The following MS4A3 variants were observed in gnomAD, a reference collection of about 807,000 sequenced individuals.
MS4A3 encodes the protein membrane spanning 4-domains A3, also known as membrane-spanning 4-domains subfamily A member 3.
Under a neutral mutation model 24.7 loss-of-function variants are expected in MS4A3, and 18 were observed. The ratio of observed to expected loss-of-function variants is 0.73; its 90% CI spans 0.50 to 1.08. MS4A3 has a LOEUF of 1.08. Ranked by LOEUF, MS4A3 falls within the 50% of genes least tolerant of loss-of-function variation. The pLI, the probability that MS4A3 is intolerant of heterozygous loss-of-function variation, is 0.00. For missense variants in MS4A3, 282 were observed against 251.7 expected, an observed-to-expected ratio of 1.12 and a Z score of -0.82; for synonymous variants, 84 against 95.3, an observed-to-expected ratio of 0.88 and a Z score of 0.69.
In MS4A3 at chr11:60,056,758, A is replaced by G. The variant is rs984677236; in HGVS notation, c.-16+18A>G. The G allele has an allele frequency of 8.5e-5, 13 of 152,160 alleles. No individual in the cohort carries two copies. 9.4% of individuals were successfully genotyped at this position (152,160 alleles called of 1,614,324 possible). The stretch of plus-strand genomic sequence containing the variant: ...CCTCCAAGGTATAGATTCCCTCTCC[A>G]TAGACATTCCCCTTTCTTTTATATC... On this transcript the variant is annotated intron_variant, in intron 1 of 6. Coordinates refer to ENST00000278865, the MANE Select transcript of MS4A3 (RefSeq NM_006138.5).
intron 5 of MS4A3, among the ~76,000 whole-genome samples, chr11:60,068,238 CTTTTTTT>C (rs71456407): frequency 7.7e-5 from 8 of 103,916 alleles, no homozygotes; most frequent in Admixed American, 1.2e-4. Flanking sequence ...ATAACCTTAC[CTTTTTTT>C]TTTTTTTTTT....
At chr11:60,060,005 A>G (rs1855246410) in intron 1 of MS4A3, among the ~76,000 whole-genome samples, 1 of 152,180 alleles carries the variant, frequency 6.6e-6, no homozygotes, top group Admixed American at 6.5e-5. Flanking sequence ...TTTTACAACT[A>G]TTTTGTGTAG....
chr11:60,066,858 C>A, intron 4 of MS4A3, 93 bp from the exon 5 acceptor site: 1 of 1,048,348 alleles, frequency 9.5e-7, no homozygotes, highest in Non-Finnish European at 1.3e-6. Flanking sequence ...GGTGTGTAAA[C>A]AATATTCAAT....
At chr11:60,057,321 T>C in intron 1 of MS4A3, among the ~76,000 whole-genome samples, 1 of 152,200 alleles carries the variant, frequency 6.6e-6, no homozygotes, top group South Asian at 2.1e-4. Context: ...TTAGAACAAA[T>C]GCCTGCCACA....
rs114531460 is a variant in MS4A3 at position 60,058,049 on chromosome 11, C to T, written c.-16+1309C>T. Among the ~76,000 whole-genome samples, 299 of 152,168 alleles carry T rather than the reference C, an allele frequency of 2.0e-3. 2 individuals carry two copies. Among genetic ancestry groups the T allele is most frequent in the African/African-American group, 6.1e-3 (253 of 41,516 alleles). ...TGGAGTTGCAGTGATGAGTAGACAA[C>T]GAGGTAACAGACAAGTATCCAGGCA... On this transcript the variant is annotated intron_variant, in intron 1 of 6. Transcript: ENST00000278865.
At chr11:60,058,529 AAAAAAAAAAAAAATTCAG>A (rs1250307136) in intron 1 of MS4A3, among the ~76,000 whole-genome samples, 3 of 145,702 alleles carry the variant, frequency 2.1e-5, no homozygotes, top group African/African-American at 8.0e-5. Flanking sequence ...AAAAAAAAAA[AAAAAAAAAAAAAATTCAG>A]TCTGGAAGGA....
At chr11:60,066,178 T>C (rs1355474699) in intron 4 of MS4A3, among the ~76,000 whole-genome samples, 1 of 152,192 alleles carries the variant, frequency 6.6e-6, no homozygotes, top group East Asian at 1.9e-4. Flanking sequence ...TTCAAGCTAT[T>C]ATTATATCCA....
At chr11:60,069,524 T>TA (rs767874911) in intron 5 of MS4A3, 50 bp from the exon 6 acceptor site, 12 of 1,285,342 alleles carry the variant, frequency 9.3e-6, no homozygotes, top group South Asian at 2.5e-5. Context: ...TTTTTTTTTT[T>TA]ACCTCTGGAT....
chr11:60,070,030 A>C (rs1045972016), intron 6 of MS4A3, among the ~76,000 whole-genome samples, 174 bp from the exon 7 acceptor site: 2 of 152,172 alleles, frequency 1.3e-5, no homozygotes, highest in African/African-American at 4.8e-5. Flanking sequence ...TAATATTTTC[A>C]TTCTCTTCTA....
intron 4 of MS4A3, among the ~76,000 whole-genome samples, chr11:60,066,473 C>T (rs755583904): frequency 1.8e-4 from 28 of 152,274 alleles, no homozygotes; most frequent in African/African-American, 6.0e-4. Context: ...GTATTGACTA[C>T]GTGCCTCCAA....
chr11:60,058,840 T>C (rs192528958), intron 1 of MS4A3, among the ~76,000 whole-genome samples: 11 of 152,308 alleles, frequency 7.2e-5, no homozygotes, highest in Middle Eastern at 3.4e-3. Context: ...TGGATAAATT[T>C]GAAGTCTTGG....
intron 5 of MS4A3, 57 bp downstream of exon 5, chr11:60,067,169 C>G: frequency 2.7e-6 from 3 of 1,095,432 alleles, no homozygotes; most frequent in Non-Finnish European, 3.8e-6. Flanking sequence ...CCAGGATGTA[C>G]AGAAAAATAA....
At chr11:60,063,247 CAG>C (rs1298663226) in intron 3 of MS4A3, among the ~76,000 whole-genome samples, 3 of 152,110 alleles carry the variant, frequency 2.0e-5, no homozygotes, top group South Asian at 2.1e-4. Flanking sequence ...TGTGGTACAG[CAG>C]AGAGTCCTGG....
At chr11:60,068,474 G>C (rs1394379594) in intron 5 of MS4A3, among the ~76,000 whole-genome samples, 1 of 147,204 alleles carries the variant, frequency 6.8e-6, no homozygotes, top group Non-Finnish European at 1.5e-5. Context: ...GGATGGTCTC[G>C]ATCTCCTGAC....
At chr11:60,061,773 G>C (rs1164503440) in intron 2 of MS4A3, among the ~76,000 whole-genome samples, 2 of 152,148 alleles carry the variant, frequency 1.3e-5, no homozygotes, top group Non-Finnish European at 2.9e-5. Context: ...AAACCCCAAT[G>C]TTGTTCAAGA....
At chr11:60,067,417 G>A (rs952033308) in intron 5 of MS4A3, among the ~76,000 whole-genome samples, 6 of 151,732 alleles carry the variant, frequency 4.0e-5, no homozygotes, top group South Asian at 2.1e-4. Context: ...GGGTTTTACC[G>A]TGTTAACCAG....
chr11:60,067,461 C>T (rs959176593), intron 5 of MS4A3, among the ~76,000 whole-genome samples: 17 of 151,976 alleles, frequency 1.1e-4, no homozygotes, highest in African/African-American at 3.1e-4. Context: ...GTGACCCGCC[C>T]GCCTCGGCCT....
At chr11:60,058,408 G>A (rs1188325885) in intron 1 of MS4A3, among the ~76,000 whole-genome samples, 2 of 149,046 alleles carry the variant, frequency 1.3e-5, no homozygotes, top group Non-Finnish European at 3.0e-5. Flanking sequence ...TTGGGAGGCT[G>A]AGGCAGGATC....
At chr11:60,063,006 C>T (rs775911402) in intron 3 of MS4A3, among the ~76,000 whole-genome samples, 4 of 152,034 alleles carry the variant, frequency 2.6e-5, no homozygotes, top group Non-Finnish European at 5.9e-5. Flanking sequence ...CCATGTTTTC[C>T]AGGATGGTCT....
Sources: gnomAD v4.1 joint callset for allele counts (sites outside exome capture counted in the v4.1 genomes callset) on GRCh38, gnomAD v4.1.1 for gene constraint, MANE v1.5 for transcripts, NCBI Gene and HGNC (gene_info 2026-07-23, HGNC 2026-07-21) for gene names.